Variants in CNTNAP2 observed in about 807,000 individuals in gnomAD.
The protein encoded by CNTNAP2 is contactin associated protein 2.
CNTNAP2 carries 98 observed loss-of-function variants against 155.2 expected under a neutral mutation model. That is an observed-to-expected ratio of 0.63 (90% CI 0.54 to 0.75). The LOEUF (loss-of-function observed/expected upper bound fraction) is 0.75, where lower values mean the gene tolerates loss of function less well. Among genes scored for constraint, CNTNAP2 ranks in the 30% least tolerant of loss-of-function variants. The pLI, the probability that CNTNAP2 is intolerant of heterozygous loss-of-function variation, is 0.00. For synonymous variants in CNTNAP2, 651 were observed against 631.2 expected (o/e 1.03, Z -0.47); for missense variants, 1,727 against 1,688.1 (o/e 1.02, Z -0.40).
At chr7:147,772,479 T>TATATAC (rs1266643938) in intron 13 of CNTNAP2, among the ~76,000 whole-genome samples, 2 of 107,076 alleles carry the variant, frequency 1.9e-5, no homozygotes, top group South Asian at 5.7e-4. Context: ...TATATATATA[T>TATATAC]ATATACACAC....
At chr7:146,289,510 TAA>T (rs1461615341) in intron 1 of CNTNAP2, among the ~76,000 whole-genome samples, 1 of 152,214 alleles carries the variant, frequency 6.6e-6, no homozygotes. Flanking sequence ...TGAAATTATT[TAA>T]AGAGTGCTAT....
At chr7:147,455,096 C>T (rs1436469125) in intron 10 of CNTNAP2, among the ~76,000 whole-genome samples, 1 of 152,066 alleles carries the variant, frequency 6.6e-6, no homozygotes, top group African/African-American at 2.4e-5. Context: ...ACTTTCTGAT[C>T]ACCCATTTCA....
At chr7:148,309,275 C>A (rs1225747482) in intron 21 of CNTNAP2, among the ~76,000 whole-genome samples, 2 of 152,202 alleles carry the variant, frequency 1.3e-5, no homozygotes, top group African/African-American at 4.8e-5. Flanking sequence ...ATGTAGTTCA[C>A]ATCCAGCCCC....
intron 1 of CNTNAP2, among the ~76,000 whole-genome samples, chr7:146,731,594 C>A (rs1042283499): frequency 6.6e-6 from 1 of 152,038 alleles, no homozygotes; most frequent in Non-Finnish European, 1.5e-5. Flanking sequence ...GCTGTTGATA[C>A]AACTCACAAT....
intron 12 of CNTNAP2, among the ~76,000 whole-genome samples, chr7:147,590,138 T>C (rs1289142489): frequency 6.6e-6 from 1 of 152,180 alleles, no homozygotes; most frequent in African/African-American, 2.4e-5. Context: ...AAAACATAAT[T>C]TGTGAGTCAC....
rs552435921 is a variant in CNTNAP2 at position 148,415,274 on chromosome 7, CATTTTTGTT to C, written c.3797-140_3797-132del. On this transcript the variant is annotated intron_variant, in intron 23 of 23. Transcript: ENST00000361727. ...ATGGACAAAAACAGACATCTTACTT[CATTTTTGTT>C]ATCTTTGTTGTTTTGGAGGTTGTGT... 443 of 878,522 alleles carry C rather than the reference CATTTTTGTT, an allele frequency of 5.0e-4. 1 individual carries two copies. In the African/African-American group the frequency reaches 6.5e-3, roughly 13 times the overall value. 54.4% of individuals were successfully genotyped at this position (878,522 alleles called of 1,614,324 possible). A position where few individuals can be genotyped will look rare whatever the true frequency, so the allele number is the denominator to read the frequency against.
intron 15 of CNTNAP2, among the ~76,000 whole-genome samples, chr7:148,106,493 GATAT>G (rs10532740): frequency 0.018 from 2,233 of 124,676 alleles, 38 homozygotes; most frequent in South Asian, 0.05. Context: ...CACACTTTGA[GATAT>G]ATATATATAT....
At chr7:147,930,135 GA>G (rs920961923) in intron 14 of CNTNAP2, among the ~76,000 whole-genome samples, 5 of 145,568 alleles carry the variant, frequency 3.4e-5, no homozygotes, top group African/African-American at 7.6e-5. Context: ...AAAACAGAAA[GA>G]AAAAAAAACA....
chr7:147,073,703 T>C (rs1213481463), intron 4 of CNTNAP2, among the ~76,000 whole-genome samples: 1 of 152,128 alleles, frequency 6.6e-6, no homozygotes, highest in Non-Finnish European at 1.5e-5. Flanking sequence ...CAAGAAAGCA[T>C]GCCAGGAAGA....
chr7:148,270,137 A>G (rs1704602398), intron 21 of CNTNAP2, among the ~76,000 whole-genome samples: 1 of 152,186 alleles, frequency 6.6e-6, no homozygotes, highest in African/African-American at 2.4e-5. Flanking sequence ...GCACAATTCC[A>G]ATATACTGTA....
intron 11 of CNTNAP2, among the ~76,000 whole-genome samples, chr7:147,560,124 C>T (rs1395971344): frequency 9.4e-5 from 13 of 138,328 alleles, no homozygotes; most frequent in Admixed American, 5.5e-4. Context: ...GCCGAGATCG[C>T]GCCATTGCAT....
intron 16 of CNTNAP2, among the ~76,000 whole-genome samples, chr7:148,135,815 C>T (rs372172336): frequency 1.6e-5 from 2 of 125,626 alleles, no homozygotes; most frequent in East Asian, 4.7e-4. Flanking sequence ...TGCCACTGCA[C>T]TCCAGCCTGG....
In CNTNAP2 at chr7:147,132,411, A is replaced by G; in HGVS notation, c.1250A>G (p.Asp417Gly). ...CTCCTGGTCTTCAGTCACTTTGCGG[A>G]TAATTTGGGCAATGTGGAGATTGAC... ...NGLLVFSHFA[D>G]NLGNVEIDLT... The change falls in exon 8 of 24, where the codon GAT (aspartate) becomes GGT (glycine). Residue 417 changes from aspartate to glycine, a missense_variant. Asp to Gly is a moderately conservative substitution (Grantham distance 94). Transcript: ENST00000361727. 3.1e-6 allele frequency: 5 copies of G among 1,613,676 alleles called. No homozygotes were observed. The highest frequency in any genetic ancestry group is 1.3e-5 in the African/African-American group (1 of 74,978).
intron 12 of CNTNAP2, among the ~76,000 whole-genome samples, chr7:147,595,365 T>C (rs901170081): frequency 6.6e-6 from 1 of 152,230 alleles, no homozygotes; most frequent in African/African-American, 2.4e-5. Context: ...AATTGTATTG[T>C]GATGCCTTAT....
At chr7:147,119,067 A>G (rs1341343931) in intron 5 of CNTNAP2, among the ~76,000 whole-genome samples, 1 of 152,172 alleles carries the variant, frequency 6.6e-6, no homozygotes, top group Non-Finnish European at 1.5e-5. Flanking sequence ...ACCAGAAACA[A>G]AAGACATTTT....
At chr7:147,708,452 G>A (rs1008076184) in intron 13 of CNTNAP2, among the ~76,000 whole-genome samples, 2 of 152,168 alleles carry the variant, frequency 1.3e-5, no homozygotes, top group African/African-American at 4.8e-5. Context: ...CAGGCAGGAT[G>A]GTAGGGGCTA....
chr7:146,359,778 ATATGTGTGTGTG>A (rs1248259396), intron 1 of CNTNAP2, among the ~76,000 whole-genome samples: 7 of 145,926 alleles, frequency 4.8e-5, no homozygotes, highest in East Asian at 3.9e-4. Context: ...CTATGTGAAT[ATATGTGTGTGTG>A]TATGTGTGTG....
intron 1 of CNTNAP2, among the ~76,000 whole-genome samples, chr7:146,337,621 C>CTTTT (rs1554418972): frequency 0.052 from 7,320 of 140,928 alleles, 635 homozygotes; most frequent in African/African-American, 0.21. Flanking sequence ...ACATACCTGG[C>CTTTT]TTTTTTGTTT....
chr7:147,876,040 C>A (rs56268129), intron 13 of CNTNAP2, among the ~76,000 whole-genome samples: 35,071 of 152,054 alleles, frequency 0.23, 4,673 homozygotes, highest in Middle Eastern at 0.38. Context: ...AAAATTATTC[C>A]ATTTATTTTA....
Sources: gnomAD v4.1 joint callset for allele counts (sites outside exome capture counted in the v4.1 genomes callset) on GRCh38, gnomAD v4.1.1 for gene constraint, MANE v1.5 for transcripts, NCBI Gene and HGNC (gene_info 2026-07-23, HGNC 2026-07-21) for gene names.